PDE4D: variants seen among roughly 807,000 people sequenced by gnomAD.
The protein encoded by PDE4D is phosphodiesterase 4D, also known as 3',5'-cyclic-AMP phosphodiesterase 4D.
PDE4D carries 24 observed loss-of-function variants against 87.4 expected under a neutral mutation model. The observed-to-expected ratio is 0.27, with a 90% confidence interval of 0.20 to 0.39. The LOEUF (loss-of-function observed/expected upper bound fraction) is 0.39, where lower values mean the gene tolerates loss of function less well. Among genes scored for constraint, PDE4D ranks in the 10% least tolerant of loss-of-function variants. The pLI, the probability that PDE4D is intolerant of heterozygous loss-of-function variation, is 1.00. For synonymous variants in PDE4D, 384 were observed against 383.2 expected, an observed-to-expected ratio of 1.00 and a Z score of -0.02; for missense variants, 714 against 1,041.0, an observed-to-expected ratio of 0.69 and a Z score of 4.32.
chr5:59,441,811 C>T (rs1195685742), intron 1 of PDE4D, among the ~76,000 whole-genome samples: 1 of 152,198 alleles, frequency 6.6e-6, no homozygotes, highest in South Asian at 2.1e-4. Context: ...TAACTATTGA[C>T]TCTGACTTTG....
At position 59,625,153 on chromosome 5, in the gene PDE4D, A is replaced by G. The variant is rs374597539; in HGVS notation, c.455+268015T>C. On this transcript the variant is annotated intron_variant, in intron 1 of 14. Coordinates refer to ENST00000340635, the MANE Select transcript of PDE4D (RefSeq NM_001104631.2). Reference sequence around the variant, plus strand: ...TGAGTCCTATAAAACCTATAAAAGCAGAGTGCTTTCTTTAGCTAGAAGCAA... The same window carrying G: ...TGAGTCCTATAAAACCTATAAAAGCGGAGTGCTTTCTTTAGCTAGAAGCAA... 1.3e-4 allele frequency among the ~76,000 whole-genome samples: 20 copies of G among 152,334 alleles called. No individual in the cohort carries two copies. The South Asian group carries it at 2.3e-3, about 17-fold the overall frequency.
chr5:59,780,357 A>T (rs1412557650), intron 1 of PDE4D, among the ~76,000 whole-genome samples: 2 of 152,144 alleles, frequency 1.3e-5, no homozygotes, highest in African/African-American at 4.8e-5. Context: ...GGGAAGATGT[A>T]TTTCACATTG....
At chr5:60,114,565 T>C (rs373018321) in intron 2 of PDE4D, among the ~76,000 whole-genome samples, 1 of 152,018 alleles carries the variant, frequency 6.6e-6, no homozygotes, top group Non-Finnish European at 1.5e-5. Flanking sequence ...GAGAACATAA[T>C]TACTGAATCT....
Position 60,098,643 on chromosome 5 carries a change from C to T in PDE4D, c.42+86914G>A, listed in dbSNP as rs192648988. Among the ~76,000 whole-genome samples, 8 of 152,062 alleles carry T rather than the reference C, an allele frequency of 5.3e-5. No homozygotes were observed. The East Asian group carries it at 1.3e-3, about 26-fold the overall frequency. On this transcript the variant is annotated intron_variant, in intron 2 of 16. Transcript: ENST00000502484. ...GTTAATTTTGTATCCTGCAACGTTG[C>T]TGAATTTATTAATTTTAAGTTTTTT...
chr5:59,139,548 A>G (rs976477123), intron 5 of PDE4D, among the ~76,000 whole-genome samples: 2 of 152,240 alleles, frequency 1.3e-5, no homozygotes. Flanking sequence ...AGTGCAGTGG[A>G]GCAATCACGG....
In PDE4D at chr5:59,487,209, A is replaced by G. The variant is rs377728294; in HGVS notation, c.456-271241T>C. ...AGGAGCGTCTAAGAAGAGATGTAAC[A>G]ATGATGCTTTTTCAGGATAAGAAAT... is the stretch of plus-strand genomic sequence containing the variant. On this transcript the variant is annotated intron_variant, in intron 1 of 14. Transcript: ENST00000340635. Among the ~76,000 whole-genome samples, 5 of 152,342 alleles carry G rather than the reference A, an allele frequency of 3.3e-5. No individual in the cohort carries two copies. The East Asian group carries it at 7.7e-4, about 23-fold the overall frequency.
At position 59,932,273 on chromosome 5, in the gene PDE4D, C is replaced by T. The variant is rs560086779; in HGVS notation, c.272+56215G>A. Among the ~76,000 whole-genome samples, 4 of 152,122 alleles carry T rather than the reference C, an allele frequency of 2.6e-5. No individual in the cohort carries two copies. In the South Asian group the frequency reaches 8.3e-4, roughly 32 times the overall value. ...GATAATGTATTGAGCACTGACTATA[C>T]CAACAAAGAAATAAACATGTTATGG... is the stretch of plus-strand genomic sequence containing the variant. On this transcript the variant is annotated intron_variant, in intron 3 of 16. Coordinates refer to the PDE4D transcript ENST00000502484.
At chr5:59,714,107 C>G (rs1754633030) in intron 1 of PDE4D, among the ~76,000 whole-genome samples, 1 of 152,132 alleles carries the variant, frequency 6.6e-6, no homozygotes, top group Admixed American at 6.5e-5. Context: ...GGGGAAGATG[C>G]CCCACCTGCA....
intron 1 of PDE4D, among the ~76,000 whole-genome samples, chr5:59,438,276 T>A (rs1285484631): frequency 1.3e-5 from 2 of 152,214 alleles, no homozygotes; most frequent in African/African-American, 4.8e-5. Flanking sequence ...ACATCAAGCT[T>A]AATTCAGCTT....
At chr5:60,419,682 C>T (rs1742921924) in intron 1 of PDE4D, among the ~76,000 whole-genome samples, 1 of 152,050 alleles carries the variant, frequency 6.6e-6, no homozygotes, top group African/African-American at 2.4e-5. Context: ...AATTGCAAAT[C>T]AAATTGATAC....
At chr5:60,050,232 G>T (rs1447186301) in intron 2 of PDE4D, among the ~76,000 whole-genome samples, 1 of 152,134 alleles carries the variant, frequency 6.6e-6, no homozygotes, top group South Asian at 2.1e-4. Context: ...CTCGCGCATG[G>T]TGCATGCACC....
intron 1 of PDE4D, among the ~76,000 whole-genome samples, chr5:59,594,214 C>G (rs1215949703): frequency 6.6e-6 from 1 of 151,664 alleles, no homozygotes; most frequent in African/African-American, 2.4e-5. Flanking sequence ...CACCAAAAGT[C>G]TGAAACCTAA....
chr5:59,969,217 C>T (rs1760422804), intron 3 of PDE4D, among the ~76,000 whole-genome samples: 1 of 152,158 alleles, frequency 6.6e-6, no homozygotes, highest in African/African-American at 2.4e-5. Flanking sequence ...CCACCATTCA[C>T]ATTAGAACAA....
intron 5 of PDE4D, among the ~76,000 whole-genome samples, chr5:59,127,069 T>C (rs1386994578): frequency 6.6e-6 from 1 of 152,210 alleles, no homozygotes; most frequent in Admixed American, 6.5e-5. Flanking sequence ...GGAGGTGATG[T>C]TCTTGGAGCT....
rs1042844278 is a variant in PDE4D at position 59,320,883 on chromosome 5, T to C, written c.456-104915A>G. Among the ~76,000 whole-genome samples the C allele has an allele frequency of 9.4e-4, 143 of 152,244 alleles. 1 individual carries two copies. Among genetic ancestry groups the C allele is most frequent in the Non-Finnish European group, 1.0e-3 (71 of 67,994 alleles). The stretch of plus-strand genomic sequence containing the variant: ...CACCAACCAATCAGCAACAATTATT[T>C]GTTGAAGCTTTTTGTTGTTTTCTCA... On this transcript the variant is annotated intron_variant, in intron 1 of 14. Coordinates refer to ENST00000340635, the MANE Select transcript of PDE4D (RefSeq NM_001104631.2).
At chr5:59,950,017 A>C (rs1302890683) in intron 3 of PDE4D, among the ~76,000 whole-genome samples, 1 of 152,250 alleles carries the variant, frequency 6.6e-6, no homozygotes, top group Non-Finnish European at 1.5e-5. Context: ...CAAACATCAG[A>C]GTTAAAGCTT....
chr5:59,115,254 C>T (rs779949638), intron 5 of PDE4D, among the ~76,000 whole-genome samples: 8 of 152,188 alleles, frequency 5.3e-5, no homozygotes, highest in Non-Finnish European at 8.8e-5. Context: ...AGTTTGAACA[C>T]CAAAAATTAT....
chr5:59,620,190 A>G (rs1579911373), intron 1 of PDE4D, among the ~76,000 whole-genome samples: 1 of 152,128 alleles, frequency 6.6e-6, no homozygotes, highest in African/African-American at 2.4e-5. Flanking sequence ...AATGAATGGG[A>G]TTTTGGCAGT....
chr5:59,295,538 C>T (rs369992617), intron 1 of PDE4D, among the ~76,000 whole-genome samples: 17 of 152,280 alleles, frequency 1.1e-4, no homozygotes, highest in African/African-American at 3.9e-4. Context: ...CCTCTGCTAG[C>T]CTGCCTAGTT....
Sources: allele counts gnomAD v4.1 joint callset (sites outside exome capture counted in the v4.1 genomes callset), GRCh38; gene constraint gnomAD v4.1.1; transcripts MANE v1.5; gene names NCBI Gene and HGNC (gene_info 2026-07-23, HGNC 2026-07-21).